SLC11A2: variants seen among roughly 807,000 people sequenced by gnomAD.
The protein encoded by SLC11A2 is natural resistance-associated macrophage protein 2.
Under a neutral mutation model 68.0 loss-of-function variants are expected in SLC11A2, and 38 were observed. The ratio of observed to expected loss-of-function variants is 0.56; its 90% CI spans 0.43 to 0.73. The LOEUF is 0.73. SLC11A2 is among the 30% of genes least tolerant of loss of function. SLC11A2 has a pLI of 0.00. For missense variants in SLC11A2, 517 were observed against 690.5 expected, an observed-to-expected ratio of 0.75 and a Z score of 2.82; for synonymous variants, 242 against 250.6, an observed-to-expected ratio of 0.97 and a Z score of 0.32.
chr12:50,984,905 A>G (rs1940401877), downstream of SLC11A2, among the ~76,000 whole-genome samples: 1 of 152,176 alleles, frequency 6.6e-6, no homozygotes, highest in African/African-American at 2.4e-5. Context: ...TGAAGGGTAT[A>G]CTATATATTA....
At chr12:51,001,157 T>G (rs1285991432) in intron 5 of SLC11A2, among the ~76,000 whole-genome samples, 1 of 124,104 alleles carries the variant, frequency 8.1e-6, no homozygotes, top group Admixed American at 8.8e-5. Context: ...AAAGCGAGAC[T>G]CCATCTCAAA....
At chr12:50,961,989 T>A in the SLC11A2 span, among the ~76,000 whole-genome samples, 4 of 152,182 alleles carry the variant, frequency 2.6e-5, no homozygotes, top group African/African-American at 9.7e-5. Context: ...AGACACTGTT[T>A]AGAAATATGA....
Position 50,986,617 on chromosome 12 carries a change from G to A in SLC11A2, c.*1708C>T. On this transcript the variant is annotated 3_prime_UTR_variant, in exon 16 of 16. Coordinates refer to ENST00000262052, the MANE Select transcript of SLC11A2 (RefSeq NM_000617.3). ...TTGGCCTTTCCTACTGCAGCCAGGT[G>A]AGAGCTTAAGATGTCAGTCCCCAAT... is the stretch of plus-strand genomic sequence containing the variant. 7.8e-7 allele frequency: 1 copy of A among 1,286,864 alleles called. No individual in the cohort carries two copies. Among genetic ancestry groups the A allele is most frequent in the South Asian group, 1.2e-5 (1 of 80,890 alleles). The allele number at this position is 1,286,864 out of a possible 1,614,324, so 79.7% of individuals were successfully genotyped here. A position where few individuals can be genotyped will look rare whatever the true frequency, so the allele number is the denominator to read the frequency against.
chr12:50,994,715 T>C (rs1941536560), intron 10 of SLC11A2, 85 bp from the exon 11 acceptor site: 2 of 810,546 alleles, frequency 2.5e-6, no homozygotes, highest in Non-Finnish European at 4.4e-6. Context: ...TACACAATCA[T>C]CTATAAGAGG....
chr12:50,996,688 T>A (rs781185739), intron 9 of SLC11A2, 129 bp downstream of exon 9: 21 of 896,960 alleles, frequency 2.3e-5, no homozygotes, highest in Non-Finnish European at 3.6e-5. Context: ...TTTATAAATG[T>A]CCAGGCTTGG....
At chr12:50,964,321 C>T in the SLC11A2 span, among the ~76,000 whole-genome samples, 1 of 152,240 alleles carries the variant, frequency 6.6e-6, no homozygotes, top group African/African-American at 2.4e-5. Context: ...ACCTTGGCTA[C>T]TCATGGTTAT....
At chr12:51,020,609 C>T (rs1943976254) in intron 1 of SLC11A2, among the ~76,000 whole-genome samples, 1 of 152,174 alleles carries the variant, frequency 6.6e-6, no homozygotes, top group African/African-American at 2.4e-5. Flanking sequence ...CTCTCTCTCT[C>T]TCTGGCATAA....
At chr12:50,982,400 C>T (rs1026341437), downstream of SLC11A2, among the ~76,000 whole-genome samples, 6 of 151,628 alleles carry the variant, frequency 4.0e-5, no homozygotes, top group African/African-American at 4.8e-5. Context: ...CCAAGGTGGG[C>T]GGATCATGAG....
intron 1 of SLC11A2, among the ~76,000 whole-genome samples, chr12:51,020,082 G>T (rs1566040464): frequency 6.6e-6 from 1 of 151,754 alleles, no homozygotes; most frequent in Non-Finnish European, 1.5e-5. Context: ...TTGAGACAGG[G>T]TCTTACAGAA....
chr12:50,970,327 C>G, the SLC11A2 span: 1 of 690,966 alleles, frequency 1.4e-6, no homozygotes, highest in Admixed American at 2.8e-5. Context: ...GAAGGAGGGC[C>G]TTTGTTTGTT....
chr12:51,009,305 G>GGCA, intron 2 of SLC11A2: 2 of 1,276,478 alleles, frequency 1.6e-6, no homozygotes, highest in Non-Finnish European at 2.0e-6. Flanking sequence ...CCCTCGTGAT[G>GGCA]GCAGGGCTCA....
chr12:51,008,420 T>TCACTC (rs1439792388), intron 3 of SLC11A2, 56 bp downstream of exon 3: 1 of 1,496,476 alleles, frequency 6.7e-7, no homozygotes, highest in Non-Finnish European at 9.3e-7. Context: ...AGCAGATCTT[T>TCACTC]CACTCACAGG....
At chr12:50,998,392 T>G (rs1243181607) in intron 8 of SLC11A2, among the ~76,000 whole-genome samples, 2 of 152,100 alleles carry the variant, frequency 1.3e-5, no homozygotes, top group African/African-American at 4.8e-5. Flanking sequence ...AATCTAAAAA[T>G]TAAAAAAGAA....
At chr12:51,019,639 T>A (rs1023260096) in intron 1 of SLC11A2, among the ~76,000 whole-genome samples, 1 of 150,062 alleles carries the variant, frequency 6.7e-6, no homozygotes. Context: ...AAAATATCCA[T>A]CCAACTTTTT....
the SLC11A2 span, among the ~76,000 whole-genome samples, chr12:50,972,149 T>C: frequency 1.3e-5 from 2 of 152,348 alleles, no homozygotes; most frequent in South Asian, 4.1e-4. Context: ...CATCCTTTCA[T>C]GTTGGTTGTG....
chr12:51,028,216 T>G (rs1308905885), upstream of SLC11A2: 43 of 1,535,540 alleles, frequency 2.8e-5, no homozygotes, highest in African/African-American at 5.5e-5. Flanking sequence ...TTCAGCTGCT[T>G]CTTCCTCATG....
chr12:50,996,728 A>G, intron 9 of SLC11A2, 89 bp downstream of exon 9: 4 of 1,351,122 alleles, frequency 3.0e-6, no homozygotes, highest in Non-Finnish European at 4.2e-6. Context: ...TGGTCCTAAT[A>G]ATTGTAAACT....
Position 50,992,790 on chromosome 12 carries a change from T to A in SLC11A2, c.1197+20A>T. ...ACAAAAGGGTTGTGTTATCTCCCTC[T>A]ATCCTATACCAGCACGTACCTCCAT... On this transcript the variant is annotated intron_variant, in intron 12 of 15. Coordinates refer to ENST00000262052, the MANE Select transcript of SLC11A2 (RefSeq NM_000617.3). 1.2e-6 allele frequency: 2 copies of A among 1,602,988 alleles called. No individual in the cohort carries two copies. Among genetic ancestry groups the A allele is most frequent in the Non-Finnish European group, 1.7e-6 (2 of 1,171,276 alleles).
At chr12:51,015,499 T>TAAA (rs58477796) in intron 1 of SLC11A2, among the ~76,000 whole-genome samples, 30 of 131,474 alleles carry the variant, frequency 2.3e-4, no homozygotes, top group African/African-American at 8.0e-4. Context: ...ATTAAATAGT[T>TAAA]AAAAAAAAAA....
Sources: allele counts gnomAD v4.1 joint callset (sites outside exome capture counted in the v4.1 genomes callset), GRCh38; gene constraint gnomAD v4.1.1; transcripts MANE v1.5; gene names NCBI Gene and HGNC (gene_info 2026-07-23, HGNC 2026-07-21).